The following PCDHA3 variants were observed in gnomAD, a reference collection of about 807,000 sequenced individuals.
The protein encoded by PCDHA3 is protocadherin alpha 3.
A neutral mutation model predicts 62.2 loss-of-function variants in PCDHA3; 41 were observed. The ratio of observed to expected loss-of-function variants is 0.66; its 90% CI spans 0.51 to 0.86. PCDHA3 has a LOEUF of 0.86. Among genes scored for constraint, PCDHA3 ranks in the 40% least tolerant of loss-of-function variants. The probability of loss-of-function intolerance (pLI) is 0.00; values close to 1 mark genes in which losing one functional copy is unlikely to be tolerated. For synonymous variants in PCDHA3, 640 were observed against 555.4 expected, an observed-to-expected ratio of 1.15 and a Z score of -2.14; for missense variants, 1,304 against 1,241.2, an observed-to-expected ratio of 1.05 and a Z score of -0.76.
Position 140,810,871 on chromosome 5 carries a change from T to G in PCDHA3, c.2394+7280T>G, listed in dbSNP as rs144832294. On this transcript the variant is annotated intron_variant, in intron 1 of 3. Coordinates refer to ENST00000522353, the MANE Select transcript of PCDHA3 (RefSeq NM_018906.3). ...TTAAACTCAATTTATCAATTTTTGC[T>G]TCTGATCCTATTTCACAAAGATAAT... is the stretch of plus-strand genomic sequence containing the variant. 140 of 152,330 alleles carry G rather than the reference T, an allele frequency of 9.2e-4. 1 individual carries two copies. The highest frequency in any genetic ancestry group is 3.3e-3 in the African/African-American group (137 of 41,582). 9.4% of individuals were successfully genotyped at this position (152,330 alleles called of 1,614,324 possible).
rs569740487 is a variant in PCDHA3, at chr5:140,970,470, G to A, written c.2395-8479G>A. On this transcript the variant is annotated intron_variant, in intron 1 of 3. Transcript: ENST00000522353. Reference sequence around the variant, plus strand: ...AGTTTTGAGATTTAAGTAGGTATAAGGCCAGCTTGTTCATTATTATGAAGA... The same window carrying A: ...AGTTTTGAGATTTAAGTAGGTATAAAGCCAGCTTGTTCATTATTATGAAGA... Among the ~76,000 whole-genome samples the A allele has an allele frequency of 2.6e-5, 4 of 152,238 alleles. No homozygotes were observed. In the South Asian group the frequency reaches 8.3e-4, roughly 32 times the overall value.
chr5:140,916,732 C>A (rs2077701110), intron 1 of PCDHA3, among the ~76,000 whole-genome samples: 1 of 152,178 alleles, frequency 6.6e-6, no homozygotes, highest in South Asian at 2.1e-4. Flanking sequence ...TTTGTTGCTG[C>A]AAGCTTCACT....
intron 1 of PCDHA3, among the ~76,000 whole-genome samples, chr5:140,900,537 A>G (rs2068113323): frequency 6.6e-6 from 1 of 152,204 alleles, no homozygotes; most frequent in African/African-American, 2.4e-5. Context: ...TCGGCTTTCC[A>G]AAGTGCTGGG....
At position 140,835,641 on chromosome 5, in the gene PCDHA3, G is replaced by A. The variant is rs2150240486; in HGVS notation, c.2394+32050G>A. ...CGCTCTGGACCGCGAGAGTGTGTCC[G>A]CCTATGAGCTGGTGGTTACCGCGCG... On this transcript the variant is annotated intron_variant, in intron 1 of 3. Transcript: ENST00000522353. 5.0e-6 allele frequency: 8 copies of A among 1,613,912 alleles called. No homozygotes were observed. In the South Asian group the frequency reaches 7.7e-5, roughly 16 times the overall value.
intron 1 of PCDHA3, chr5:140,824,250 T>G: frequency 4.3e-6 from 6 of 1,404,896 alleles, no homozygotes; most frequent in Non-Finnish European, 4.0e-6. Context: ...TGGTACACAA[T>G]TATTGCACTA....
chr5:140,863,075 CG>C (rs2047768391), intron 1 of PCDHA3: 1 of 569,530 alleles, frequency 1.8e-6, no homozygotes, highest in South Asian at 1.4e-5. Context: ...GGGCTCTGCA[CG>C]GGCGAGATCA....
At chr5:140,929,057 C>T (rs17844370) in intron 1 of PCDHA3, 1 of 1,614,070 alleles carries the variant, frequency 6.2e-7, no homozygotes, top group Non-Finnish European at 8.5e-7. Flanking sequence ...TGTCGCTCTA[C>T]AGAGGATCTG....
intron 1 of PCDHA3, chr5:140,870,349 A>G (rs1554164130): frequency 6.2e-7 from 1 of 1,614,154 alleles, no homozygotes; most frequent in Non-Finnish European, 8.5e-7. Context: ...GGACCGCGAG[A>G]ACGTGTGGGC....
At chr5:140,830,288 A>T in intron 1 of PCDHA3, 1 of 1,613,814 alleles carries the variant, frequency 6.2e-7, no homozygotes, top group Non-Finnish European at 8.5e-7. Flanking sequence ...GGGCGCGTGC[A>T]CGGCGGACAA....
At chr5:140,869,394 G>C (rs782128248) in intron 1 of PCDHA3, 1 of 1,614,196 alleles carries the variant, frequency 6.2e-7, no homozygotes, top group Non-Finnish European at 8.5e-7. Context: ...AGCTGTGCGG[G>C]CAGAGCGCGG....
intron 1 of PCDHA3, chr5:140,864,839 G>T (rs1335962458): frequency 6.6e-6 from 1 of 152,156 alleles, no homozygotes; most frequent in African/African-American, 2.4e-5. Flanking sequence ...GTATAAGAGA[G>T]TCTTCCCATA....
rs1215623176 is a variant in PCDHA3 at position 140,858,135 on chromosome 5, T to A, written c.2394+54544T>A. On this transcript the variant is annotated intron_variant, in intron 1 of 3. Transcript: ENST00000522353. ...GAGGTGGCCCTGGTGGATGTCAACG[T>A]GTACCTGATCATCGCCATCTGCGCG... is the stretch of plus-strand genomic sequence containing the variant. 2 of 1,597,334 alleles carry A rather than the reference T, an allele frequency of 1.3e-6. 1 individual carries two copies. Among genetic ancestry groups the A allele is most frequent in the Non-Finnish European group, 1.7e-6 (2 of 1,167,406 alleles).
chr5:140,854,159 CA>C (rs59855104), intron 1 of PCDHA3: 9,606 of 340,020 alleles, frequency 0.028, 6 homozygotes, highest in Non-Finnish European at 0.032. Context: ...GATTCTGTCT[CA>C]AAAAAAAAAA....
rs1478776734 is a variant in PCDHA3 at position 141,010,917 on chromosome 5, A to G, written c.*980A>G. ...TACAATTCCCCTAAACTCTCCTCAA[A>G]AGAGAATTCAGTCTACAGCCATTTA... On this transcript the variant is annotated 3_prime_UTR_variant, in exon 4 of 4. Coordinates refer to ENST00000522353, the MANE Select transcript of PCDHA3 (RefSeq NM_018906.3). The G allele has an allele frequency of 6.5e-6, 1 of 153,776 alleles. No homozygotes were observed. The highest frequency in any genetic ancestry group is 1.5e-5 in the Non-Finnish European group (1 of 68,048). The allele number at this position is 153,776 out of a possible 1,614,324, so 9.5% of individuals were successfully genotyped here.
Position 141,009,900 on chromosome 5 carries a change from A to G in PCDHA3, c.2816A>G (p.Glu939Gly). The G allele has an allele frequency of 6.2e-7, 1 of 1,613,166 alleles. No individual in the cohort carries two copies. The highest frequency in any genetic ancestry group is 8.5e-7 in the Non-Finnish European group (1 of 1,179,840). Residue 939 changes from glutamate (E) to glycine (G), a missense_variant, in exon 4 of 4, where the codon GAG becomes GGG. Physicochemically the swap from Glu to Gly is moderately conservative, Grantham distance 98. Coordinates refer to ENST00000522353, the MANE Select transcript of PCDHA3 (RefSeq NM_018906.3). Reference sequence around the variant, plus strand: ...GGTAACAAGACCCAGGAGAAAAAAGAGAAAGGGAACAGCACGACTGACAAC... The same window carrying G: ...GGTAACAAGACCCAGGAGAAAAAAGGGAAAGGGAACAGCACGACTGACAAC... ...KKGNKTQEKK[E>G]KGNSTTDNSD...
chr5:140,949,529 T>C (rs2094389085), intron 1 of PCDHA3, among the ~76,000 whole-genome samples: 1 of 151,910 alleles, frequency 6.6e-6, no homozygotes, highest in South Asian at 2.1e-4. Flanking sequence ...TTTATCTTCA[T>C]AAAATATCGA....
chr5:141,010,697 C>T lies in PCDHA3; in HGVS notation c.*760C>T, dbSNP rs1163164861. The T allele has an allele frequency of 6.3e-6, 1 of 158,698 alleles. No homozygotes were observed. 9.8% of individuals were successfully genotyped at this position (158,698 alleles called of 1,614,324 possible). A position where few individuals can be genotyped will look rare whatever the true frequency, so the allele number is the denominator to read the frequency against. On this transcript the variant is annotated 3_prime_UTR_variant, in exon 4 of 4. Coordinates refer to ENST00000522353, the MANE Select transcript of PCDHA3 (RefSeq NM_018906.3). ...AACAGAAGCAGATCTGATGTGTTTCCTATACATGTCCTGTGCTCACTTTAT... is the reference window on the plus strand; with the variant it reads ...AACAGAAGCAGATCTGATGTGTTTCTTATACATGTCCTGTGCTCACTTTAT...
chr5:140,964,631 T>C (rs1415762552), intron 1 of PCDHA3, among the ~76,000 whole-genome samples: 1 of 152,074 alleles, frequency 6.6e-6, no homozygotes, highest in African/African-American at 2.4e-5. Flanking sequence ...ATAAGCCATT[T>C]ATTTTCAGAA....
chr5:140,883,449 C>G lies in PCDHA3; in HGVS notation c.2394+79858C>G, dbSNP rs782030208. The G allele has an allele frequency of 6.8e-6, 11 of 1,614,058 alleles. No homozygotes were observed. The Admixed American group carries it at 1.8e-4, about 27-fold the overall frequency. On this transcript the variant is annotated intron_variant, in intron 1 of 3. Coordinates refer to ENST00000522353, the MANE Select transcript of PCDHA3 (RefSeq NM_018906.3). Reference sequence around the variant, plus strand: ...ACCTGCACCTTGACGCCGCATGTCCCCTTCAAGCTGGTGTCCACCTACAAG... The same window carrying G: ...ACCTGCACCTTGACGCCGCATGTCCGCTTCAAGCTGGTGTCCACCTACAAG...
Sources: allele counts gnomAD v4.1 joint callset (sites outside exome capture counted in the v4.1 genomes callset), GRCh38; gene constraint gnomAD v4.1.1; transcripts MANE v1.5; gene names NCBI Gene and HGNC (gene_info 2026-07-23, HGNC 2026-07-21).